GRM7: variants seen among roughly 807,000 people sequenced by gnomAD.
GRM7 encodes the protein metabotropic glutamate receptor 7.
GRM7 carries 35 observed loss-of-function variants against 84.5 expected under a neutral mutation model. That is an observed-to-expected ratio of 0.41 (90% CI 0.32 to 0.55). GRM7 has a LOEUF of 0.55. GRM7 is among the 20% of genes least tolerant of loss of function. The pLI is 0.19. For missense variants in GRM7, 1,003 were observed against 1,194.6 expected (o/e 0.84, Z 2.36); for synonymous variants, 487 against 455.1 (o/e 1.07, Z -0.89).
chr3:7,597,221 C>T (rs2125067577), intron 8 of GRM7, among the ~76,000 whole-genome samples: 2 of 152,034 alleles, frequency 1.3e-5, no homozygotes, highest in Non-Finnish European at 2.9e-5. Context: ...GGAGGAGGAG[C>T]AAAAGAGAGA....
chr3:7,469,577 A>G (rs1698610366), intron 7 of GRM7, among the ~76,000 whole-genome samples: 2 of 152,006 alleles, frequency 1.3e-5, no homozygotes, highest in African/African-American at 4.8e-5. Context: ...TCTGCCACCT[A>G]CTTCTCTACA....
At chr3:7,518,016 G>T (rs1161081561) in intron 7 of GRM7, among the ~76,000 whole-genome samples, 1 of 152,132 alleles carries the variant, frequency 6.6e-6, no homozygotes, top group Non-Finnish European at 1.5e-5. Flanking sequence ...GACTTGGTTG[G>T]GGTGGCTGCA....
chr3:7,467,434 G>C (rs1434256171), intron 7 of GRM7, among the ~76,000 whole-genome samples: 2 of 152,124 alleles, frequency 1.3e-5, no homozygotes, highest in African/African-American at 4.8e-5. Context: ...TGTTTCCCAA[G>C]TCCAGGAAAG....
chr3:6,862,364 C>G lies in GRM7; in HGVS notation c.519+457C>G, dbSNP rs916725490. On this transcript the variant is annotated intron_variant, in intron 1 of 9. Transcript: ENST00000357716. This position sits in a 1 kb window ranked among gnomAD's most constrained non-coding sequence, Gnocchi z 5.2. ...CCAAGCCAGCCTGCCAACCTGCACT[C>G]CCTTGAAAAATTTGGAGACAGCCTT... Among the ~76,000 whole-genome samples, 7 of 152,000 alleles carry G rather than the reference C, an allele frequency of 4.6e-5. No individual in the cohort carries two copies. The highest frequency in any genetic ancestry group is 8.8e-5 in the Non-Finnish European group (6 of 68,018).
intron 7 of GRM7, among the ~76,000 whole-genome samples, chr3:7,538,359 G>A (rs563425926): frequency 6.6e-6 from 1 of 152,220 alleles, no homozygotes; most frequent in South Asian, 2.1e-4. Flanking sequence ...TGATCTGCAC[G>A]CCTCAGCCTC....
At position 7,236,174 on chromosome 3, in the gene GRM7, C is replaced by T. The variant is rs187836962; in HGVS notation, c.737-62510C>T. The stretch of plus-strand genomic sequence containing the variant: ...CAGAGACCTCATGACGTGATCATCT[C>T]CCAAAAACCCCATCTATTAATACTA... On this transcript the variant is annotated intron_variant, in intron 2 of 9. Transcript: ENST00000357716. 1.5e-3 allele frequency among the ~76,000 whole-genome samples: 223 copies of T among 152,276 alleles called. 1 individual carries two copies. The highest frequency in any genetic ancestry group is 5.1e-3 in the African/African-American group (213 of 41,560).
At chr3:7,595,203 T>G (rs1206461116) in intron 8 of GRM7, among the ~76,000 whole-genome samples, 1 of 152,200 alleles carries the variant, frequency 6.6e-6, no homozygotes, top group Non-Finnish European at 1.5e-5. Flanking sequence ...ACACATCATT[T>G]TGGATAATGA....
At position 7,502,525 on chromosome 3, in the gene GRM7, T is replaced by A. The variant is rs115113523; in HGVS notation, c.1515+40803T>A. Reference sequence around the variant, plus strand: ...TCAATAGCAAAACTGGCAAAAAAAATAAAAGCATAATTCGAAGATGAAAAA... The same window carrying A: ...TCAATAGCAAAACTGGCAAAAAAAAAAAAAGCATAATTCGAAGATGAAAAA... On this transcript the variant is annotated intron_variant, in intron 7 of 9. Transcript: ENST00000357716. Among the ~76,000 whole-genome samples the A allele has an allele frequency of 3.8e-3, 573 of 152,006 alleles. 3 individuals carry two copies. The highest frequency in any genetic ancestry group is 0.013 in the African/African-American group (536 of 41,398).
intron 2 of GRM7, among the ~76,000 whole-genome samples, chr3:7,189,527 C>T (rs1008711247): frequency 1.1e-4 from 17 of 152,142 alleles, no homozygotes; most frequent in Non-Finnish European, 1.8e-4. Flanking sequence ...GCTGTTATCA[C>T]TATTACTGTT....
chr3:7,080,930 T>C (rs1370452368), intron 1 of GRM7, among the ~76,000 whole-genome samples: 1 of 152,068 alleles, frequency 6.6e-6, no homozygotes, highest in East Asian at 1.9e-4. Context: ...ATTCATTCAT[T>C]GTATAATGGA....
chr3:6,954,771 T>C (rs939027675), intron 1 of GRM7, among the ~76,000 whole-genome samples: 10 of 152,214 alleles, frequency 6.6e-5, no homozygotes, highest in African/African-American at 2.4e-4. Context: ...AGAGATAATA[T>C]ATGTAAAGTA....
At position 7,661,829 on chromosome 3, in the gene GRM7, G is replaced by A. The variant is rs563235111; in HGVS notation, c.2452-18220G>A. Reference sequence around the variant, plus strand: ...AAAAAAAAAAAAAAAAATGTAAAATGCTACTATCAGTTTGGAAAATACTTT... The same window carrying A: ...AAAAAAAAAAAAAAAAATGTAAAATACTACTATCAGTTTGGAAAATACTTT... On this transcript the variant is annotated intron_variant, in intron 8 of 9. Transcript: ENST00000357716. 2.0e-4 allele frequency among the ~76,000 whole-genome samples: 16 copies of A among 80,988 alleles called. 2 individuals carry two copies. Among genetic ancestry groups the A allele is most frequent in the Admixed American group, 4.0e-4 (3 of 7,430 alleles). The allele number at this position is 80,988 out of a possible 152,430, so 53.1% of individuals were successfully genotyped here.
At chr3:7,485,593 A>C (rs968424354) in intron 7 of GRM7, among the ~76,000 whole-genome samples, 2 of 152,226 alleles carry the variant, frequency 1.3e-5, no homozygotes, top group African/African-American at 4.8e-5. Context: ...CAAAAGATTT[A>C]AATTCACACT....
At chr3:6,949,174 G>T (rs1373908653) in intron 1 of GRM7, among the ~76,000 whole-genome samples, 1 of 152,186 alleles carries the variant, frequency 6.6e-6, no homozygotes, top group Non-Finnish European at 1.5e-5. Flanking sequence ...AATTTGGCAT[G>T]TTTTTGCAGT....
chr3:7,712,327 G>T (rs1289003366), intron 9 of GRM7, among the ~76,000 whole-genome samples: 1 of 152,130 alleles, frequency 6.6e-6, no homozygotes, highest in Non-Finnish European at 1.5e-5. Flanking sequence ...GTTGGGTGGG[G>T]GCTGTAGGAC....
At chr3:6,978,040 G>C (rs1044299544) in intron 1 of GRM7, among the ~76,000 whole-genome samples, 2 of 149,476 alleles carry the variant, frequency 1.3e-5, no homozygotes, top group Non-Finnish European at 3.0e-5. Flanking sequence ...ACCTGTACAC[G>C]TGAGCTTATT....
chr3:7,704,426 A>T (rs1559497870), intron 9 of GRM7, among the ~76,000 whole-genome samples: 1 of 152,214 alleles, frequency 6.6e-6, no homozygotes, highest in East Asian at 1.9e-4. Context: ...AATGATAAAA[A>T]GTTTGAGAGT....
chr3:7,516,476 CAAAAAAAAAAAAA>C (rs34508559), intron 7 of GRM7, among the ~76,000 whole-genome samples: 20 of 42,472 alleles, frequency 4.7e-4, no homozygotes, highest in Admixed American at 1.3e-3. Flanking sequence ...GACTCCCTCT[CAAAAAAAAAAAAA>C]AAAAAAAAAA....
At chr3:7,711,033 T>C (rs1701559822) in intron 9 of GRM7, among the ~76,000 whole-genome samples, 1 of 152,208 alleles carries the variant, frequency 6.6e-6, no homozygotes, top group Non-Finnish European at 1.5e-5. Flanking sequence ...CACACTGTTT[T>C]TCTGGTTGCT....
Sources: allele counts gnomAD v4.1 joint callset (sites outside exome capture counted in the v4.1 genomes callset), GRCh38; gene constraint gnomAD v4.1.1; non-coding constraint Gnocchi (gnomAD v3.1); transcripts MANE v1.5; gene names NCBI Gene and HGNC (gene_info 2026-07-23, HGNC 2026-07-21).